Variants in HMGCLL1 observed in about 807,000 individuals in gnomAD.
HMGCLL1 encodes 3-hydroxy-3-methylglutaryl-CoA lyase like 1.
Under a neutral mutation model 39.1 loss-of-function variants are expected in HMGCLL1, and 36 were observed. The ratio of observed to expected loss-of-function variants is 0.92; its 90% confidence interval spans 0.71 to 1.22. HMGCLL1 has a LOEUF of 1.22. Among genes scored for constraint, HMGCLL1 ranks in the 50% most tolerant of loss-of-function variants. The pLI, the probability that HMGCLL1 is intolerant of heterozygous loss-of-function variation, is 0.00. For synonymous variants in HMGCLL1, 149 were observed against 144.0 expected (o/e 1.03, Z -0.25); for missense variants, 451 against 416.5 (o/e 1.08, Z -0.72).
chr6:55,668,469 C>T, the HMGCLL1 span, among the ~76,000 whole-genome samples: 1 of 151,848 alleles, frequency 6.6e-6, no homozygotes, highest in African/African-American at 2.4e-5. Context: ...ATAAAGTAAA[C>T]ACATCACATC....
At chr6:55,440,500 G>A (rs1387505427) in intron 7 of HMGCLL1, among the ~76,000 whole-genome samples, 1 of 152,118 alleles carries the variant, frequency 6.6e-6, no homozygotes, top group Non-Finnish European at 1.5e-5. Flanking sequence ...GAGTACAACA[G>A]GGTCTGAGAA....
the HMGCLL1 span, among the ~76,000 whole-genome samples, chr6:55,647,121 C>A: frequency 6.6e-6 from 1 of 151,952 alleles, no homozygotes; most frequent in Admixed American, 6.6e-5. Context: ...AGAATTGAGA[C>A]TATCATTAAA....
chr6:55,607,061 A>G, the HMGCLL1 span, among the ~76,000 whole-genome samples: 3 of 152,208 alleles, frequency 2.0e-5, no homozygotes, highest in South Asian at 2.1e-4. Context: ...TTAATCAGCA[A>G]TAGGAAGCTA....
rs527728032 is a variant in HMGCLL1 at position 55,524,278 on chromosome 6, C to A, written c.298-7675G>T. Among the ~76,000 whole-genome samples the A allele has an allele frequency of 2.5e-4, 38 of 151,512 alleles. 1 individual carries two copies. Among genetic ancestry groups the A allele is most frequent in the African/African-American group, 8.5e-4 (35 of 41,364 alleles). On this transcript the variant is annotated intron_variant, in intron 3 of 8. Transcript: ENST00000274901. ...TATAGTCACAAAATAAGAGAAAAAG[C>A]GTATTATGAATTAACCTCAGATGCT...
chr6:55,602,997 A>G, the HMGCLL1 span, among the ~76,000 whole-genome samples: 4 of 152,092 alleles, frequency 2.6e-5, no homozygotes, highest in Non-Finnish European at 5.9e-5. Context: ...ACGAGTTCCC[A>G]TGTAATGATG....
chr6:55,514,204 A>C lies in HMGCLL1; in HGVS notation c.394-8T>G. 2 of 1,592,764 alleles carry C rather than the reference A, an allele frequency of 1.3e-6. No individual in the cohort carries two copies. Among genetic ancestry groups the C allele is most frequent in the Non-Finnish European group, 1.7e-6 (2 of 1,173,530 alleles). On this transcript the variant is annotated splice_region_variant and splice_polypyrimidine_tract_variant and intron_variant, in intron 4 of 8. Coordinates refer to ENST00000274901, the MANE Select transcript of HMGCLL1 (RefSeq NM_001042406.2). ...AGTAGCTCCAGCAGCAACCTGAAAAATATATAATTTAAAGCCAAATCTAAT... is the reference window on the plus strand; with the variant it reads ...AGTAGCTCCAGCAGCAACCTGAAAACTATATAATTTAAAGCCAAATCTAAT...
At chr6:55,661,799 T>C in the HMGCLL1 span, among the ~76,000 whole-genome samples, 1 of 151,970 alleles carries the variant, frequency 6.6e-6, no homozygotes, top group Non-Finnish European at 1.5e-5. Context: ...GTAAATTGCT[T>C]TAGGCAGTAT....
intron 7 of HMGCLL1, among the ~76,000 whole-genome samples, chr6:55,472,330 G>A (rs953594241): frequency 2.0e-5 from 3 of 151,484 alleles, no homozygotes; most frequent in Admixed American, 6.6e-5. Flanking sequence ...GCTGTGTGGT[G>A]GTATTTCATT....
chr6:55,589,423 A>T, the HMGCLL1 span, among the ~76,000 whole-genome samples: 3 of 152,330 alleles, frequency 2.0e-5, 1 homozygote, highest in Admixed American at 2.0e-4. Flanking sequence ...AGAGCTATTT[A>T]TGACAAACCC....
At chr6:55,591,296 A>G in the HMGCLL1 span, among the ~76,000 whole-genome samples, 9 of 152,080 alleles carry the variant, frequency 5.9e-5, no homozygotes, top group African/African-American at 2.2e-4. Flanking sequence ...CATAAGTACT[A>G]TCCAGGAGAA....
intron 4 of HMGCLL1, 52 bp from the exon 5 acceptor site, chr6:55,514,248 G>GA: frequency 7.3e-7 from 1 of 1,375,808 alleles, no homozygotes; most frequent in South Asian, 1.3e-5. Flanking sequence ...AAATGTGAAT[G>GA]ACAGTGGTAG....
At chr6:55,610,207 T>C in the HMGCLL1 span, among the ~76,000 whole-genome samples, 5 of 152,012 alleles carry the variant, frequency 3.3e-5, no homozygotes, top group African/African-American at 4.8e-5. Context: ...AGAAGTAGGC[T>C]TCAGAAGGTG....
chr6:55,554,803 T>C (rs968213143), intron 1 of HMGCLL1, among the ~76,000 whole-genome samples: 18 of 152,166 alleles, frequency 1.2e-4, no homozygotes, highest in Non-Finnish European at 7.3e-5. Flanking sequence ...CTACATTCTG[T>C]TCTCCCACAG....
intron 1 of HMGCLL1, among the ~76,000 whole-genome samples, chr6:55,566,159 C>T (rs760365373): frequency 1.1e-4 from 16 of 152,120 alleles, no homozygotes; most frequent in Non-Finnish European, 1.9e-4. Flanking sequence ...AGACTCTGTA[C>T]ACCCAGTGGG....
At position 55,502,080 on chromosome 6, in the gene HMGCLL1, C is replaced by A. The variant is rs146227125; in HGVS notation, c.543-2781G>T. ...TTAAGTGAATACATAGTAGTTCTTT[C>A]AGCAAGAGTCTGGTAGATGTTGCAG... On this transcript the variant is annotated intron_variant, in intron 5 of 8. Coordinates refer to ENST00000274901, the MANE Select transcript of HMGCLL1 (RefSeq NM_001042406.2). Among the ~76,000 whole-genome samples the A allele has an allele frequency of 1.6e-4, 24 of 151,960 alleles. No individual in the cohort carries two copies. The East Asian group carries it at 4.1e-3, about 26-fold the overall frequency.
chr6:55,576,110 C>A (rs942036397), intron 1 of HMGCLL1, among the ~76,000 whole-genome samples: 1 of 152,104 alleles, frequency 6.6e-6, no homozygotes, highest in Non-Finnish European at 1.5e-5. Context: ...AATTAAATAT[C>A]AAGTAATCAT....
chr6:55,672,685 C>T, the HMGCLL1 span, among the ~76,000 whole-genome samples: 1 of 151,868 alleles, frequency 6.6e-6, no homozygotes, highest in Non-Finnish European at 1.5e-5. Context: ...ACTATTCAAA[C>T]ATGCATATAC....
chr6:55,541,701 C>A, intron 3 of HMGCLL1, 28 bp downstream of exon 3: 1 of 1,120,498 alleles, frequency 8.9e-7, no homozygotes, highest in Non-Finnish European at 1.3e-6. Flanking sequence ...GAATTAGGAT[C>A]TAATTAAGAA....
At chr6:55,633,977 C>A in the HMGCLL1 span, among the ~76,000 whole-genome samples, 1 of 151,878 alleles carries the variant, frequency 6.6e-6, no homozygotes, top group Non-Finnish European at 1.5e-5. Flanking sequence ...ATATTTCATT[C>A]AAATAAATTT....
Sources: gnomAD v4.1 joint callset for allele counts (sites outside exome capture counted in the v4.1 genomes callset) on GRCh38, gnomAD v4.1.1 for gene constraint, MANE v1.5 for transcripts, NCBI Gene and HGNC (gene_info 2026-07-23, HGNC 2026-07-21) for gene names.